NBAS: variants seen among roughly 807,000 people sequenced by gnomAD.
NBAS encodes the protein NBAS subunit of NRZ tethering complex.
Under a neutral mutation model 302.5 loss-of-function variants are expected in NBAS, and 219 were observed. The ratio of observed to expected loss-of-function variants is 0.72; its 90% CI spans 0.65 to 0.81. The LOEUF (loss-of-function observed/expected upper bound fraction) is 0.81. Among genes scored for constraint, NBAS ranks in the 30% least tolerant of loss-of-function variants. The pLI, the probability that NBAS is intolerant of heterozygous loss-of-function variation, is 0.00. For missense variants in NBAS, 2,932 were observed against 2,841.6 expected, an observed-to-expected ratio of 1.03 and a Z score of -0.72; for synonymous variants, 1,118 against 1,021.6, an observed-to-expected ratio of 1.09 and a Z score of -1.80.
chr2:15,169,516 C>T (rs146634767), intron 51 of NBAS, among the ~76,000 whole-genome samples: 1,786 of 152,288 alleles, frequency 0.012, 16 homozygotes, highest in Non-Finnish European at 0.018. Flanking sequence ...CCCTGAGAGG[C>T]CCTTGAAGTC....
chr2:15,467,829 A>T, intron 17 of NBAS, 25 bp from the exon 18 acceptor site: 1 of 1,532,110 alleles, frequency 6.5e-7, no homozygotes, highest in East Asian at 2.3e-5. Flanking sequence ...GAACAAATAT[A>T]TTTTCATCAT....
At chr2:15,219,025 TC>T in intron 47 of NBAS, 57 bp from the exon 48 acceptor site, 1 of 1,592,640 alleles carries the variant, frequency 6.3e-7, no homozygotes, top group Non-Finnish European at 8.6e-7. Context: ...TTTTCCCCCT[TC>T]CGGTAATCAA....
In NBAS at chr2:15,167,023, T is replaced by C. The variant is rs1432509420; in HGVS notation, c.*25A>G. ...ATTCAACTCCAGATGCTTTTTCTGCTAAGGAGCAGGGCCACAGGTGGCCCT... is the reference window on the plus strand; with the variant it reads ...ATTCAACTCCAGATGCTTTTTCTGCCAAGGAGCAGGGCCACAGGTGGCCCT... On this transcript the variant is annotated 3_prime_UTR_variant, in exon 52 of 52. Coordinates refer to ENST00000281513, the MANE Select transcript of NBAS (RefSeq NM_015909.4). 2 of 1,513,672 alleles carry C rather than the reference T, an allele frequency of 1.3e-6. No homozygotes were observed. The highest frequency in any genetic ancestry group is 8.8e-7 in the Non-Finnish European group (1 of 1,130,856). 93.8% of individuals were successfully genotyped at this position (1,513,672 alleles called of 1,614,324 possible).
the NBAS span, among the ~76,000 whole-genome samples, chr2:14,803,082 T>C: frequency 6.6e-6 from 1 of 152,228 alleles, no homozygotes; most frequent in Non-Finnish European, 1.5e-5. Context: ...TTGACACTTT[T>C]AAGCTTTCTT....
the NBAS span, among the ~76,000 whole-genome samples, chr2:14,942,257 T>C: frequency 6.6e-6 from 1 of 152,302 alleles, no homozygotes; most frequent in East Asian, 1.9e-4. Context: ...CCCCACCAAA[T>C]CTCGTGTCAA....
chr2:15,001,548 T>C, the NBAS span, among the ~76,000 whole-genome samples: 2 of 152,214 alleles, frequency 1.3e-5, no homozygotes, highest in African/African-American at 2.4e-5. Flanking sequence ...ACAATAGTTA[T>C]AATGCTACAA....
intron 44 of NBAS, among the ~76,000 whole-genome samples, chr2:15,260,138 G>A (rs1053770947): frequency 6.6e-6 from 1 of 152,150 alleles, no homozygotes; most frequent in Non-Finnish European, 1.5e-5. Context: ...AAAATGTGCT[G>A]GAAACTATGC....
chr2:15,346,010 G>T (rs1673071351), intron 35 of NBAS, among the ~76,000 whole-genome samples: 1 of 152,124 alleles, frequency 6.6e-6, no homozygotes, highest in African/African-American at 2.4e-5. Context: ...ATTAAGTCAA[G>T]ATGGATTAAA....
chr2:15,479,706 T>A (rs997179768), intron 12 of NBAS, among the ~76,000 whole-genome samples: 1 of 152,220 alleles, frequency 6.6e-6, no homozygotes, highest in African/African-American at 2.4e-5. Flanking sequence ...GCACCACGAA[T>A]AAGCACTAGA....
the NBAS span, among the ~76,000 whole-genome samples, chr2:14,873,196 T>C: frequency 5.3e-5 from 8 of 152,168 alleles, no homozygotes; most frequent in Non-Finnish European, 1.0e-4. Context: ...GATTGGTCCA[T>C]TTTCACAGAG....
the NBAS span, among the ~76,000 whole-genome samples, chr2:14,964,703 G>A: frequency 6.6e-6 from 1 of 152,050 alleles, no homozygotes; most frequent in Non-Finnish European, 1.5e-5. Context: ...CACACAACCT[G>A]ATTAATTGAC....
At chr2:15,227,684 C>T (rs1319725811) in intron 47 of NBAS, among the ~76,000 whole-genome samples, 2 of 152,098 alleles carry the variant, frequency 1.3e-5, no homozygotes, top group Non-Finnish European at 2.9e-5. Flanking sequence ...TTAATCCATG[C>T]ATTTACAGCA....
intron 41 of NBAS, 89 bp downstream of exon 41, chr2:15,292,448 C>T: frequency 1.5e-6 from 2 of 1,376,906 alleles, no homozygotes; most frequent in Middle Eastern, 1.9e-4. Context: ...TGTAAAACTT[C>T]AAAGGACTGA....
chr2:15,435,768 C>T (rs1327274287), intron 21 of NBAS, among the ~76,000 whole-genome samples: 1 of 152,128 alleles, frequency 6.6e-6, no homozygotes, highest in East Asian at 1.9e-4. Flanking sequence ...TCTGGACAAC[C>T]ATGTGGCATT....
chr2:15,368,593 CA>C (rs1159095834), intron 31 of NBAS, among the ~76,000 whole-genome samples: 1 of 152,172 alleles, frequency 6.6e-6, no homozygotes, highest in African/African-American at 2.4e-5. Flanking sequence ...ACTTACTCTT[CA>C]GTTACTTCCT....
At chr2:15,434,591 T>C (rs1677920071) in intron 21 of NBAS, among the ~76,000 whole-genome samples, 1 of 152,212 alleles carries the variant, frequency 6.6e-6, no homozygotes, top group South Asian at 2.1e-4. Context: ...ACGTAAAATG[T>C]TTATAAATAC....
the NBAS span, among the ~76,000 whole-genome samples, chr2:14,931,142 C>A: frequency 7.8e-4 from 119 of 152,320 alleles, no homozygotes; most frequent in African/African-American, 2.5e-3. Flanking sequence ...AGATTTTGAG[C>A]ATTGATAAAC....
chr2:15,082,130 G>A, the NBAS span, among the ~76,000 whole-genome samples: 1 of 152,164 alleles, frequency 6.6e-6, no homozygotes, highest in Non-Finnish European at 1.5e-5. Context: ...TGGTATTGGT[G>A]GTGGTGGTAT....
chr2:15,458,768 G>T lies in NBAS; in HGVS notation c.2339+2433C>A, dbSNP rs563268262. Among the ~76,000 whole-genome samples the T allele has an allele frequency of 7.2e-5, 11 of 152,156 alleles. 1 individual carries two copies. The South Asian group carries it at 1.5e-3, about 20-fold the overall frequency. On this transcript the variant is annotated intron_variant, in intron 21 of 51. Transcript: ENST00000281513. ...GACAGAGATATTATTGTAACCTATT[G>T]TTCATTCTCACTATTTACAACTATA...
Sources: allele counts gnomAD v4.1 joint callset (sites outside exome capture counted in the v4.1 genomes callset), GRCh38; gene constraint gnomAD v4.1.1; transcripts MANE v1.5; gene names NCBI Gene and HGNC (gene_info 2026-07-23, HGNC 2026-07-21).